CDYL: variants seen among roughly 807,000 people sequenced by gnomAD.
CDYL encodes the protein chromodomain Y-like protein.
CDYL carries 8 observed loss-of-function variants against 47.3 expected under a neutral mutation model. That is an observed-to-expected ratio of 0.17 (90% CI 0.10 to 0.31). The LOEUF is 0.31. CDYL is among the 10% of genes least tolerant of loss of function. CDYL has a pLI of 1.00. For synonymous variants in CDYL, 266 were observed against 265.0 expected, an observed-to-expected ratio of 1.00 and a Z score of -0.04; for missense variants, 471 against 701.4, an observed-to-expected ratio of 0.67 and a Z score of 3.71.
At chr6:4,938,566 A>G (rs1561719773) in intron 4 of CDYL, among the ~76,000 whole-genome samples, 1 of 152,252 alleles carries the variant, frequency 6.6e-6, no homozygotes, top group Non-Finnish European at 1.5e-5. Flanking sequence ...ATTACCTCAC[A>G]TACTTACTAT....
At chr6:4,718,844 T>C (rs1312250427) in intron 2 of CDYL, among the ~76,000 whole-genome samples, 1 of 152,200 alleles carries the variant, frequency 6.6e-6, no homozygotes, top group Non-Finnish European at 1.5e-5. Flanking sequence ...TTTAGATTCC[T>C]GCAGGATATT....
intron 3 of CDYL, among the ~76,000 whole-genome samples, chr6:4,768,589 ATAAATT>A (rs1758290770): frequency 6.6e-6 from 1 of 152,214 alleles, no homozygotes; most frequent in African/African-American, 2.4e-5. Flanking sequence ...TAAAAAATGA[ATAAATT>A]AATAAGTGGG....
intron 3 of CDYL, among the ~76,000 whole-genome samples, chr6:4,770,178 A>G (rs1024143318): frequency 6.6e-6 from 1 of 151,952 alleles, no homozygotes; most frequent in Non-Finnish European, 1.5e-5. Flanking sequence ...TATCTATCCT[A>G]ATAGATTGCC....
At chr6:4,724,744 G>C (rs956083467) in intron 2 of CDYL, 2 of 152,188 alleles carry the variant, frequency 1.3e-5, no homozygotes, top group Non-Finnish European at 2.9e-5. Context: ...ACTGGCTTCA[G>C]GAGTGAAGCT....
At chr6:4,860,759 T>G (rs1224901931) in intron 1 of CDYL, among the ~76,000 whole-genome samples, 1 of 151,778 alleles carries the variant, frequency 6.6e-6, no homozygotes, top group African/African-American at 2.4e-5. Context: ...GTCCCCAAAC[T>G]GAAGAACTTG....
upstream of CDYL, among the ~76,000 whole-genome samples, chr6:4,776,257 G>A (rs1351360955): frequency 7.0e-6 from 1 of 143,248 alleles, no homozygotes; most frequent in Non-Finnish European, 1.5e-5. Flanking sequence ...GGCCCCGAGC[G>A]GAGCCCACTG....
At chr6:4,738,768 C>T (rs550683734) in intron 3 of CDYL, among the ~76,000 whole-genome samples, 35 of 152,336 alleles carry the variant, frequency 2.3e-4, no homozygotes, top group Admixed American at 9.1e-4. Flanking sequence ...CTAGCTCAAA[C>T]GTCTGTGTGT....
At chr6:4,848,957 A>C (rs1760743976) in intron 1 of CDYL, among the ~76,000 whole-genome samples, 1 of 152,234 alleles carries the variant, frequency 6.6e-6, no homozygotes, top group Non-Finnish European at 1.5e-5. Context: ...ATTTTTCTAA[A>C]CATTCTTTGC....
At chr6:4,922,246 G>A (rs1183903623) in intron 2 of CDYL, among the ~76,000 whole-genome samples, 4 of 152,072 alleles carry the variant, frequency 2.6e-5, no homozygotes, top group East Asian at 3.9e-4. Flanking sequence ...TTGCCGACCC[G>A]TTGCCTCAGT....
intron 3 of CDYL, among the ~76,000 whole-genome samples, chr6:4,771,170 G>A (rs1172753438): frequency 6.6e-6 from 1 of 152,012 alleles, no homozygotes; most frequent in Admixed American, 6.6e-5. Flanking sequence ...CTGGAGTGCA[G>A]TGGTGCTATC....
At chr6:4,893,694 C>CAAAA (rs760685131) in intron 2 of CDYL, among the ~76,000 whole-genome samples, 4 of 103,320 alleles carry the variant, frequency 3.9e-5, no homozygotes, top group African/African-American at 1.4e-4. Flanking sequence ...CTCCGTCTCC[C>CAAAA]AAAAAAAAAA....
intron 3 of CDYL, among the ~76,000 whole-genome samples, chr6:4,755,458 A>G (rs1370850633): frequency 6.6e-6 from 1 of 152,196 alleles, no homozygotes; most frequent in African/African-American, 2.4e-5. Flanking sequence ...ATGCTGACCT[A>G]GGATAACTAA....
intron 1 of CDYL, among the ~76,000 whole-genome samples, chr6:4,710,827 C>CTGTG: frequency 6.6e-6 from 1 of 152,104 alleles, no homozygotes; most frequent in Non-Finnish European, 1.5e-5. Context: ...TTCTAAATCC[C>CTGTG]TGTGGTTGAA....
chr6:4,831,181 A>G (rs1250727388), intron 1 of CDYL, among the ~76,000 whole-genome samples: 1 of 152,156 alleles, frequency 6.6e-6, no homozygotes, highest in Non-Finnish European at 1.5e-5. Flanking sequence ...ATTAATGCCT[A>G]GGTTTTCTTC....
At chr6:4,756,134 C>T (rs376469856) in intron 3 of CDYL, among the ~76,000 whole-genome samples, 1 of 152,176 alleles carries the variant, frequency 6.6e-6, no homozygotes, top group Non-Finnish European at 1.5e-5. Flanking sequence ...CTGCTTTTAG[C>T]TCCTTGCACA....
intron 2 of CDYL, among the ~76,000 whole-genome samples, chr6:4,730,556 C>T (rs764248061): frequency 1.1e-4 from 17 of 151,890 alleles, no homozygotes; most frequent in Non-Finnish European, 2.1e-4. Flanking sequence ...TGCCTATAAT[C>T]CCAGCTACTC....
intron 2 of CDYL, among the ~76,000 whole-genome samples, chr6:4,916,914 G>A (rs1399423178): frequency 2.0e-5 from 3 of 152,204 alleles, no homozygotes; most frequent in South Asian, 2.1e-4. Context: ...TGACAGGTGG[G>A]CCCTGAGGCT....
At chr6:4,802,771 C>T (rs1759260941) in intron 1 of CDYL, among the ~76,000 whole-genome samples, 1 of 150,346 alleles carries the variant, frequency 6.7e-6, no homozygotes, top group South Asian at 2.1e-4. Flanking sequence ...TGAGAGTCAG[C>T]CACCATCCTT....
chr6:4,901,678 G>A (rs149974361), intron 2 of CDYL, among the ~76,000 whole-genome samples: 2 of 152,270 alleles, frequency 1.3e-5, no homozygotes, highest in East Asian at 3.9e-4. Flanking sequence ...ACTGATAAGT[G>A]AATTTTTTAT....
Sources: gnomAD v4.1 joint callset for allele counts (sites outside exome capture counted in the v4.1 genomes callset) on GRCh38, gnomAD v4.1.1 for gene constraint, MANE v1.5 for transcripts, NCBI Gene and HGNC (gene_info 2026-07-23, HGNC 2026-07-21) for gene names.